Variants in ANKRD52 observed in about 807,000 individuals in gnomAD.
The protein encoded by ANKRD52 is serine/threonine-protein phosphatase 6 regulatory ankyrin repeat subunit C.
Under a neutral mutation model 116.0 loss-of-function variants are expected in ANKRD52, and 7 were observed. The observed-to-expected ratio is 0.06, with a 90% CI of 0.03 to 0.11. The LOEUF (loss-of-function observed/expected upper bound fraction) is 0.11. ANKRD52 is among the 10% of genes least tolerant of loss of function. The pLI, the probability that ANKRD52 is intolerant of heterozygous loss-of-function variation, is 1.00. For synonymous variants in ANKRD52, 528 were observed against 578.1 expected (o/e 0.91, Z 1.24); for missense variants, 839 against 1,408.6 (o/e 0.60, Z 6.47).
chr12:56,248,859 A>T lies in ANKRD52; in HGVS notation c.1604T>A (p.Phe535Tyr). The T allele has an allele frequency of 6.2e-7, 1 of 1,601,404 alleles. No individual in the cohort carries two copies. Among genetic ancestry groups the T allele is most frequent in the Non-Finnish European group, 8.5e-7 (1 of 1,173,878 alleles). ...RRKEAFFCLE[F>Y]LLDNGADPSL... The stretch of plus-strand genomic sequence containing the variant: ...GGGGTCTGCACCGTTATCCAGTAAG[A>T]ACTCCAGACAGCTGGGGAGCCGGGG... The change falls in exon 16 of 28, where the codon TTC (phenylalanine) becomes TAC (tyrosine). Residue 535 changes from phenylalanine to tyrosine, a missense_variant. By Grantham distance (22) the Phe-to-Tyr change is conservative. This residue lies in a region of ANKRD52 where 552 missense variants were observed against 810.6 expected (regional missense o/e 0.68). Coordinates refer to ENST00000267116, the MANE Select transcript of ANKRD52 (RefSeq NM_173595.4). This position sits in a 1 kb window ranked among gnomAD's most constrained non-coding sequence, Gnocchi z 5.1.
chr12:56,244,175 A>G lies in ANKRD52; in HGVS notation c.2806-42T>C. 6.2e-7 allele frequency: 1 copy of G among 1,606,110 alleles called. No individual in the cohort carries two copies. The highest frequency in any genetic ancestry group is 2.2e-5 in the East Asian group (1 of 44,836). ...GAGAGTGGAGACTTGTGAAGTAGAA[A>G]TGTGGCAGGGTGCAGGGCAGGAGTT... On this transcript the variant is annotated intron_variant, in intron 25 of 27. Transcript: ENST00000267116. The surrounding 1 kb of genome is among the most constrained non-coding windows in gnomAD (Gnocchi z 4.9).
At chr12:56,249,432 A>G (rs1391919236) in intron 15 of ANKRD52, among the ~76,000 whole-genome samples, 1 of 152,210 alleles carries the variant, frequency 6.6e-6, no homozygotes, top group African/African-American at 2.4e-5. Context: ...TGTATATTAA[A>G]TAATTTAATC....
rs1348596731 is a variant in ANKRD52, at chr12:56,255,729, AG to A, written c.462+54del. 6.7e-7 allele frequency: 1 copy of A among 1,490,796 alleles called. No homozygotes were observed. The allele number at this position is 1,490,796 out of a possible 1,614,324, so 92.3% of individuals were successfully genotyped here. Reference sequence around the variant, plus strand: ...GGCCCAGAAGCAGGGAAACGTGAGTAGGAAGGTAAGAAAAGGGAAAGCCCCA... The same window carrying A: ...GGCCCAGAAGCAGGGAAACGTGAGTAGAAGGTAAGAAAAGGGAAAGCCCCA... On this transcript the variant is annotated intron_variant, in intron 5 of 27. Coordinates refer to ENST00000267116, the MANE Select transcript of ANKRD52 (RefSeq NM_173595.4). This position sits in a 1 kb window ranked among gnomAD's most constrained non-coding sequence, Gnocchi z 4.3.
Position 56,253,266 on chromosome 12 carries a change from T to C in ANKRD52, c.1100+22A>G, listed in dbSNP as rs780406665. 6.3e-7 allele frequency: 1 copy of C among 1,599,300 alleles called. No individual in the cohort carries two copies. The highest frequency in any genetic ancestry group is 8.6e-7 in the Non-Finnish European group (1 of 1,168,204). ...TGTGCAGATCTGGGCAGCCCAGAAG[T>C]GGAGTCGGGGCCCTGACTCACCGGG... On this transcript the variant is annotated intron_variant, in intron 10 of 27. Transcript: ENST00000267116. This position sits in a 1 kb window ranked among gnomAD's most constrained non-coding sequence, Gnocchi z 5.5.
At chr12:56,246,906 CGA>C (rs1266499532) in intron 20 of ANKRD52, among the ~76,000 whole-genome samples, 2 of 142,180 alleles carry the variant, frequency 1.4e-5, no homozygotes, top group Admixed American at 7.1e-5. Context: ...GGTGACAGAG[CGA>C]GACTCTATCT....
In ANKRD52 at chr12:56,253,445, C is replaced by T. The variant is rs146992533; in HGVS notation, c.986-43G>A. On this transcript the variant is annotated intron_variant, in intron 9 of 27. Coordinates refer to ENST00000267116, the MANE Select transcript of ANKRD52 (RefSeq NM_173595.4). This position sits in a 1 kb window ranked among gnomAD's most constrained non-coding sequence, Gnocchi z 5.5. ...CACACAAGCTCAGGCAGACCTCAGG[C>T]TTAAGACCACTTTCGCGAGCTAGCC... 23 of 1,487,232 alleles carry T rather than the reference C, an allele frequency of 1.5e-5. No individual in the cohort carries two copies. In the South Asian group the frequency reaches 2.4e-4, roughly 16 times the overall value. The allele number at this position is 1,487,232 out of a possible 1,614,324, so 92.1% of individuals were successfully genotyped here. A position where few individuals can be genotyped will look rare whatever the true frequency, so the allele number is the denominator to read the frequency against.
In ANKRD52 at chr12:56,256,959, C is replaced by T. The variant is rs1008842642; in HGVS notation, c.261+56G>A. On this transcript the variant is annotated intron_variant, in intron 4 of 27. Coordinates refer to ENST00000267116, the MANE Select transcript of ANKRD52 (RefSeq NM_173595.4). ...ACTGAGGCTCCTTAACCCTTAACCC[C>T]CACCTTTAAGCAACTTATCCTTTTT... The T allele has an allele frequency of 1.5e-5, 24 of 1,561,246 alleles. No individual in the cohort carries two copies. In the African/African-American group the frequency reaches 2.0e-4, roughly 13 times the overall value.
At position 56,243,880 on chromosome 12, in the gene ANKRD52, G is replaced by A; in HGVS notation, c.2889-4C>T. The A allele has an allele frequency of 6.4e-7, 1 of 1,566,496 alleles. No individual in the cohort carries two copies. Among genetic ancestry groups the A allele is most frequent in the Non-Finnish European group, 8.7e-7 (1 of 1,155,266 alleles). ...CCGGGCAGCAATGTGGAGTGGCCTT[G>A]GAAAAAAGGAAAAAGAAGGAGCTTG... On this transcript the variant is annotated splice_polypyrimidine_tract_variant and splice_region_variant and intron_variant, in intron 26 of 27. Coordinates refer to ENST00000267116, the MANE Select transcript of ANKRD52 (RefSeq NM_173595.4). The surrounding 1 kb of genome is among the most constrained non-coding windows in gnomAD (Gnocchi z 4.6).
Position 56,254,338 on chromosome 12 carries a change from C to A in ANKRD52, c.694-59G>T, listed in dbSNP as rs1228912408. 1 of 1,554,276 alleles carries A rather than the reference C, an allele frequency of 6.4e-7. No individual in the cohort carries two copies. On this transcript the variant is annotated intron_variant, in intron 7 of 27. Coordinates refer to ENST00000267116, the MANE Select transcript of ANKRD52 (RefSeq NM_173595.4). The surrounding 1 kb of genome is among the most constrained non-coding windows in gnomAD (Gnocchi z 4.6). Reference sequence around the variant, plus strand: ...AGTTTAAACAAAGTAGAAGCCAGCACATGTAGCCTCCAGATCCCAGAAATC... The same window carrying A: ...AGTTTAAACAAAGTAGAAGCCAGCAAATGTAGCCTCCAGATCCCAGAAATC...
Position 56,253,842 on chromosome 12 carries a change from A to G in ANKRD52, c.907-42T>C. 1.3e-6 allele frequency: 2 copies of G among 1,584,344 alleles called. No homozygotes were observed. Among genetic ancestry groups the G allele is most frequent in the Non-Finnish European group, 1.7e-6 (2 of 1,154,762 alleles). ...GGTTTTTGTTTTTGTTTTTTTTTCC[A>G]GTGCAAAGCACAGAGAATGCCCTAC... On this transcript the variant is annotated intron_variant, in intron 8 of 27. Coordinates refer to ENST00000267116, the MANE Select transcript of ANKRD52 (RefSeq NM_173595.4). The surrounding 1 kb of genome is among the most constrained non-coding windows in gnomAD (Gnocchi z 5.5).
Position 56,245,322 on chromosome 12 carries a change from C to T in ANKRD52, c.2404+55G>A. 4 of 1,603,006 alleles carry T rather than the reference C, an allele frequency of 2.5e-6. No individual in the cohort carries two copies. In the South Asian group the frequency reaches 4.4e-5, roughly 18 times the overall value. Reference sequence around the variant, plus strand: ...CCCCCCCAACAACCCACCTGTCCCCCTCTACACACACTCCAACACATGCTC... The same window carrying T: ...CCCCCCCAACAACCCACCTGTCCCCTTCTACACACACTCCAACACATGCTC... On this transcript the variant is annotated intron_variant, in intron 21 of 27. Transcript: ENST00000267116.
rs1190676824 is a variant in ANKRD52 at position 56,252,003 on chromosome 12, T to C, written c.1592+12A>G. On this transcript the variant is annotated intron_variant, in intron 15 of 27. Coordinates refer to ENST00000267116, the MANE Select transcript of ANKRD52 (RefSeq NM_173595.4). This position sits in a 1 kb window ranked among gnomAD's most constrained non-coding sequence, Gnocchi z 4.7. The stretch of plus-strand genomic sequence containing the variant: ...GGGAAAGCACATCCCAGGGGCCCTC[T>C]CTGCTACTCACAAGAAGGCCTCCTT... 1.2e-6 allele frequency: 2 copies of C among 1,612,476 alleles called. No homozygotes were observed. Among genetic ancestry groups the C allele is most frequent in the Non-Finnish European group, 1.7e-6 (2 of 1,179,618 alleles).
At position 56,252,406 on chromosome 12, in the gene ANKRD52, C is replaced by T; in HGVS notation, c.1371-91G>A. 1.3e-6 allele frequency: 2 copies of T among 1,593,738 alleles called. No individual in the cohort carries two copies. The highest frequency in any genetic ancestry group is 2.2e-5 in the East Asian group (1 of 44,740). ...CAGCCAAATGCTGCTTTGTAACATT[C>T]TCCTTATTTAAGTCTCCAATCTAAA... On this transcript the variant is annotated intron_variant, in intron 13 of 27. Transcript: ENST00000267116. The surrounding 1 kb of genome is among the most constrained non-coding windows in gnomAD (Gnocchi z 4.7).
In ANKRD52 at chr12:56,243,531, G is replaced by A; in HGVS notation, c.2981-139C>T. 7.8e-7 allele frequency: 1 copy of A among 1,281,770 alleles called. No individual in the cohort carries two copies. The allele number at this position is 1,281,770 out of a possible 1,614,324, so 79.4% of individuals were successfully genotyped here. On this transcript the variant is annotated intron_variant, in intron 27 of 27. Transcript: ENST00000267116. The surrounding 1 kb of genome is among the most constrained non-coding windows in gnomAD (Gnocchi z 4.6). The stretch of plus-strand genomic sequence containing the variant: ...GCGGCAGAATCCAAGGGTGACGAGG[G>A]CCCAGGAAGGCTGACAGGCAGATTC...
intron 15 of ANKRD52, among the ~76,000 whole-genome samples, chr12:56,249,973 G>T (rs1035207079): frequency 2.6e-5 from 4 of 152,082 alleles, no homozygotes; most frequent in Non-Finnish European, 4.4e-5. Context: ...GGAGGTGGAG[G>T]TTGCAGTGAG....
In ANKRD52 at chr12:56,258,347, G is replaced by C; in HGVS notation, c.-78C>G. On this transcript the variant is annotated 5_prime_UTR_variant, in exon 1 of 28. Coordinates refer to ENST00000267116, the MANE Select transcript of ANKRD52 (RefSeq NM_173595.4). ...TCCACCGGGGACACGGAGCGGCCCA[G>C]GCGGCGGCTGCGGTGGCGGCTGCAG... 4 of 1,388,642 alleles carry C rather than the reference G, an allele frequency of 2.9e-6. No homozygotes were observed. Among genetic ancestry groups the C allele is most frequent in the Non-Finnish European group, 2.8e-6 (3 of 1,070,854 alleles). The allele number at this position is 1,388,642 out of a possible 1,614,324, so 86.0% of individuals were successfully genotyped here.
At position 56,254,656 on chromosome 12, in the gene ANKRD52, C is replaced by T. The variant is rs1871860499; in HGVS notation, c.615G>A (p.Lys205=). 3.1e-6 allele frequency: 5 copies of T among 1,613,690 alleles called. No individual in the cohort carries two copies. Among genetic ancestry groups the T allele is most frequent in the Non-Finnish European group, 3.4e-6 (4 of 1,179,762 alleles). Residue 205 remains lysine, a synonymous_variant, in exon 7 of 28, where the codon AAG becomes AAA. Coordinates refer to ENST00000267116, the MANE Select transcript of ANKRD52 (RefSeq NM_173595.4). This position sits in a 1 kb window ranked among gnomAD's most constrained non-coding sequence, Gnocchi z 4.6. ...CAGCTGTATGGAGCAGCCCATAGCC[C>T]TTGCGGTCCTTGCAGCCGAGGTCTG... ...RGADLGCKDR[K]GYGLLHTAAA...
In ANKRD52 at chr12:56,252,774, A is replaced by G. The variant is rs771479054; in HGVS notation, c.1301+6T>C. ...TCAAAGCATGGGAGAGAGAAAGAGA[A>G]CTCACCCTCCGGAAGCAGCAGCATG... On this transcript the variant is annotated splice_donor_region_variant and intron_variant, in intron 12 of 27. Coordinates refer to ENST00000267116, the MANE Select transcript of ANKRD52 (RefSeq NM_173595.4). This position sits in a 1 kb window ranked among gnomAD's most constrained non-coding sequence, Gnocchi z 4.7. 6.2e-7 allele frequency: 1 copy of G among 1,612,482 alleles called. No individual in the cohort carries two copies. Among genetic ancestry groups the G allele is most frequent in the Admixed American group, 1.7e-5 (1 of 59,972 alleles).
At chr12:56,250,955 T>C (rs1304091806) in intron 15 of ANKRD52, among the ~76,000 whole-genome samples, 1 of 152,112 alleles carries the variant, frequency 6.6e-6, no homozygotes, top group African/African-American at 2.4e-5. Flanking sequence ...TATTTGTTTT[T>C]TTGGAGACAG....
Sources: allele counts gnomAD v4.1 joint callset (sites outside exome capture counted in the v4.1 genomes callset), GRCh38; gene constraint gnomAD v4.1.1; regional missense constraint gnomAD v4.1.1; non-coding constraint Gnocchi (gnomAD v3.1); transcripts MANE v1.5; gene names NCBI Gene and HGNC (gene_info 2026-07-23, HGNC 2026-07-21).